IKZF2: variants seen among roughly 807,000 people sequenced by gnomAD.
IKZF2 encodes zinc finger protein Helios.
Under a neutral mutation model 49.2 loss-of-function variants are expected in IKZF2, and 15 were observed. The ratio of observed to expected loss-of-function variants is 0.30; its 90% confidence interval spans 0.20 to 0.47. The LOEUF is 0.47. IKZF2 is among the 20% of genes least tolerant of loss of function. The pLI is 1.00. For missense variants in IKZF2, 567 were observed against 664.6 expected (o/e 0.85, Z 1.61); for synonymous variants, 227 against 221.4 (o/e 1.03, Z -0.23).
chr2:213,042,837 T>C (rs1021109895), intron 6 of IKZF2, among the ~76,000 whole-genome samples: 2 of 151,958 alleles, frequency 1.3e-5, no homozygotes, highest in Non-Finnish European at 2.9e-5. Flanking sequence ...GAAAAGAGCT[T>C]GGCCTTAAAT....
intron 4 of IKZF2, among the ~76,000 whole-genome samples, chr2:213,059,610 TG>T (rs1250624364): frequency 6.6e-6 from 1 of 151,602 alleles, no homozygotes; most frequent in Non-Finnish European, 1.5e-5. Flanking sequence ...GTGCATAAAG[TG>T]TATCAGAATT....
Position 213,130,795 on chromosome 2 carries a change from G to A in IKZF2, c.139+16913C>T, listed in dbSNP as rs938675457. On this transcript the variant is annotated intron_variant, in intron 4 of 8. Coordinates refer to ENST00000434687, the MANE Select transcript of IKZF2 (RefSeq NM_001387220.1). ...ATGGGCTTAATTCACAGAACCATACGCCAAGCAAATTATATTTCATGAGCT... is the reference window on the plus strand; with the variant it reads ...ATGGGCTTAATTCACAGAACCATACACCAAGCAAATTATATTTCATGAGCT... Among the ~76,000 whole-genome samples, 12 of 152,124 alleles carry A rather than the reference G, an allele frequency of 7.9e-5. 1 individual carries two copies. The highest frequency in any genetic ancestry group is 6.8e-3 in the Middle Eastern group (2 of 294).
At chr2:213,083,948 G>C (rs1046670429) in intron 4 of IKZF2, among the ~76,000 whole-genome samples, 4 of 151,960 alleles carry the variant, frequency 2.6e-5, no homozygotes, top group Admixed American at 2.6e-4. Context: ...TAATGCTCTT[G>C]AATCATCCCG....
intron 6 of IKZF2, among the ~76,000 whole-genome samples, chr2:213,034,383 G>A (rs1432424181): frequency 6.6e-6 from 1 of 152,148 alleles, no homozygotes; most frequent in Non-Finnish European, 1.5e-5. Context: ...GGCATGTTTT[G>A]CCTGTTGACA....
chr2:213,004,071 A>G lies in IKZF2; in HGVS notation c.*3289T>C, dbSNP rs773919243. 1 of 151,830 alleles carries G rather than the reference A, an allele frequency of 6.6e-6. No individual in the cohort carries two copies. Among genetic ancestry groups the G allele is most frequent in the Non-Finnish European group, 1.5e-5 (1 of 67,832 alleles). The allele number at this position is 151,830 out of a possible 1,614,324, so 9.4% of individuals were successfully genotyped here. On this transcript the variant is annotated 3_prime_UTR_variant, in exon 9 of 9. Transcript: ENST00000434687. ...TAAACCCAACTAATTTCTTGGTATT[A>G]ACTGTCATTTAAATTCTCTGTATGT...
At chr2:213,095,618 A>T (rs1429434425) in intron 4 of IKZF2, among the ~76,000 whole-genome samples, 1 of 152,090 alleles carries the variant, frequency 6.6e-6, no homozygotes, top group Non-Finnish European at 1.5e-5. Context: ...CATTTTAAAG[A>T]TTAAAATATG....
intron 4 of IKZF2, among the ~76,000 whole-genome samples, chr2:213,096,336 A>T (rs940974491): frequency 6.6e-6 from 1 of 151,988 alleles, no homozygotes; most frequent in Non-Finnish European, 1.5e-5. Context: ...TGAAAGTAAC[A>T]ATGCCTCATT....
At chr2:213,112,281 C>T (rs1343306879) in intron 4 of IKZF2, among the ~76,000 whole-genome samples, 1 of 142,326 alleles carries the variant, frequency 7.0e-6, no homozygotes, top group Non-Finnish European at 1.6e-5. Context: ...CAACTATTTT[C>T]AAGGTATTGA....
intron 5 of IKZF2, among the ~76,000 whole-genome samples, chr2:213,055,538 A>G (rs1261755239): frequency 1.3e-5 from 2 of 152,092 alleles, no homozygotes; most frequent in Non-Finnish European, 2.9e-5. Flanking sequence ...TTTGATTATG[A>G]TAACACTGAT....
rs781024245 is a variant in IKZF2 at position 213,057,011 on chromosome 2, C to G, written c.228G>C (p.Glu76Asp). ...TTAGGGGTTCTTCTAGGCTGCTACC[C>G]TCATCATGGCCCCTGATCTCATCTT... Reference protein sequence around the residue: ...SREDEIRGHDEGSSLEEPLIE... With the variant: ...SREDEIRGHDDGSSLEEPLIE... Residue 76 changes from glutamate (E) to aspartate (D), a missense_variant, in exon 5 of 9, where the codon GAG (glutamate) becomes GAC (aspartate). Glu to Asp is a conservative substitution (Grantham distance 45). Coordinates refer to ENST00000434687, the MANE Select transcript of IKZF2 (RefSeq NM_001387220.1). 1 of 1,613,950 alleles carries G rather than the reference C, an allele frequency of 6.2e-7. No homozygotes were observed. The highest frequency in any genetic ancestry group is 2.2e-5 in the East Asian group (1 of 44,864).
chr2:213,128,342 T>C (rs1320760068), intron 4 of IKZF2, among the ~76,000 whole-genome samples: 1 of 152,090 alleles, frequency 6.6e-6, no homozygotes, highest in Non-Finnish European at 1.5e-5. Flanking sequence ...TTAAGGCAAG[T>C]ATTATTATTA....
chr2:213,087,006 T>C (rs1460978580), intron 4 of IKZF2, among the ~76,000 whole-genome samples: 2 of 152,128 alleles, frequency 1.3e-5, no homozygotes, highest in African/African-American at 2.4e-5. Context: ...AGAATATCAA[T>C]ATAATATTCT....
intron 4 of IKZF2, among the ~76,000 whole-genome samples, chr2:213,132,289 T>C (rs1271807785): frequency 7.3e-6 from 1 of 137,102 alleles, no homozygotes; most frequent in East Asian, 2.1e-4. Flanking sequence ...TAAGCAATGA[T>C]AAAACAGGAT....
chr2:213,060,108 A>G (rs1212732687), intron 4 of IKZF2, among the ~76,000 whole-genome samples: 1 of 151,332 alleles, frequency 6.6e-6, no homozygotes, highest in Non-Finnish European at 1.5e-5. Context: ...TCTTTCACCC[A>G]TCTCACTACA....
Position 213,007,126 on chromosome 2 carries a change from A to G in IKZF2, c.*234T>C, listed in dbSNP as rs16825063. The G allele has an allele frequency of 1.1e-3, 481 of 425,650 alleles. No homozygotes were observed. The highest frequency in any genetic ancestry group is 7.7e-3 in the African/African-American group (380 of 49,514). The allele number at this position is 425,650 out of a possible 1,614,324, so 26.4% of individuals were successfully genotyped here. A position where few individuals can be genotyped will look rare whatever the true frequency, so the allele number is the denominator to read the frequency against. On this transcript the variant is annotated 3_prime_UTR_variant, in exon 9 of 9. Transcript: ENST00000434687. Reference sequence around the variant, plus strand: ...CTGCTCTTAAATTCCCACAAAATAAACAAGCCAGGTGATAAAGAAACAATA... The same window carrying G: ...CTGCTCTTAAATTCCCACAAAATAAGCAAGCCAGGTGATAAAGAAACAATA...
At chr2:213,098,751 G>A (rs1467486241) in intron 4 of IKZF2, among the ~76,000 whole-genome samples, 2 of 152,092 alleles carry the variant, frequency 1.3e-5, no homozygotes, top group African/African-American at 2.4e-5. Context: ...ACTCTGTCCC[G>A]GTTAAAACCT....
intron 4 of IKZF2, among the ~76,000 whole-genome samples, chr2:213,057,910 C>T (rs1241721790): frequency 2.0e-5 from 3 of 152,092 alleles, no homozygotes; most frequent in Admixed American, 6.6e-5. Flanking sequence ...TGGATCATCC[C>T]ACAGAAAAGT....
At chr2:213,114,199 A>G (rs937545924) in intron 4 of IKZF2, among the ~76,000 whole-genome samples, 2 of 152,198 alleles carry the variant, frequency 1.3e-5, no homozygotes, top group African/African-American at 4.8e-5. Flanking sequence ...TCTAAAATCA[A>G]ATCTTCCTCT....
At chr2:213,085,295 A>G (rs1272426698) in intron 4 of IKZF2, among the ~76,000 whole-genome samples, 1 of 152,350 alleles carries the variant, frequency 6.6e-6, no homozygotes, top group Admixed American at 6.5e-5. Flanking sequence ...TTTTTAAACA[A>G]AAAGCCTTTT....
Sources: allele counts gnomAD v4.1 joint callset (sites outside exome capture counted in the v4.1 genomes callset), GRCh38; gene constraint gnomAD v4.1.1; transcripts MANE v1.5; gene names NCBI Gene and HGNC (gene_info 2026-07-23, HGNC 2026-07-21).